Variants in FBXO4 observed in about 807,000 individuals in gnomAD.
FBXO4 encodes the protein F-box only protein 4.
A neutral mutation model predicts 43.7 loss-of-function variants in FBXO4; 36 were observed. That is an observed-to-expected ratio of 0.82 (90% confidence interval 0.63 to 1.09). FBXO4 has a LOEUF of 1.09. Among genes scored for constraint, FBXO4 ranks in the 50% least tolerant of loss-of-function variants. The pLI is 0.00. For missense variants in FBXO4, 435 were observed against 474.1 expected (o/e 0.92, Z 0.77); for synonymous variants, 180 against 165.6 (o/e 1.09, Z -0.67).
At chr5:41,999,533 A>ATGTG in the FBXO4 span, among the ~76,000 whole-genome samples, 1 of 102,174 alleles carries the variant, frequency 9.8e-6, no homozygotes, top group Non-Finnish European at 1.8e-5. Context: ...ACATATATAT[A>ATGTG]TACATATATA....
the FBXO4 span, among the ~76,000 whole-genome samples, chr5:42,020,724 C>T: frequency 4.6e-5 from 7 of 152,282 alleles, no homozygotes; most frequent in East Asian, 1.4e-3. Flanking sequence ...CCAACTTCAA[C>T]TTATGTCTCA....
chr5:41,990,019 T>C, the FBXO4 span, among the ~76,000 whole-genome samples: 1 of 152,184 alleles, frequency 6.6e-6, no homozygotes, highest in East Asian at 1.9e-4. Context: ...AAGTAGGATT[T>C]AGACCTGGGG....
chr5:41,973,025 G>A, the FBXO4 span, among the ~76,000 whole-genome samples: 1 of 152,168 alleles, frequency 6.6e-6, no homozygotes, highest in African/African-American at 2.4e-5. Context: ...AAGATTTCAT[G>A]ATGAAGACTC....
rs762924195 is a variant in FBXO4, at chr5:41,929,893, G to A, written c.622G>A (p.Gly208Ser). The change falls in exon 3 of 7, where the codon GGT (glycine) becomes AGT (serine). Residue 208 changes from glycine to serine, a missense_variant. Coordinates refer to ENST00000281623, the MANE Select transcript of FBXO4 (RefSeq NM_012176.3). ...MSSEELCPTAGLPQRQIDGIG... is the reference protein window; with the variant it reads ...MSSEELCPTASLPQRQIDGIG... ...TTCAGAGGAACTTTGCCCAACAGCT[G>A]GTTTGCCTCAGAGGCAGATTGATGG... The A allele has an allele frequency of 8.1e-6, 13 of 1,612,820 alleles. No individual in the cohort carries two copies. In the East Asian group the frequency reaches 2.9e-4, roughly 36 times the overall value.
At chr5:42,037,534 C>G in the FBXO4 span, among the ~76,000 whole-genome samples, 1 of 151,898 alleles carries the variant, frequency 6.6e-6, no homozygotes. Flanking sequence ...GTTCTCTGAC[C>G]CACGTCCTCA....
At chr5:41,999,474 TATACAC>T in the FBXO4 span, among the ~76,000 whole-genome samples, 251 of 27,748 alleles carry the variant, frequency 9.0e-3, 2 homozygotes, top group African/African-American at 0.02. Flanking sequence ...TGTATATATA[TATACAC>T]ATATATATAT....
chr5:42,003,571 C>T, the FBXO4 span, among the ~76,000 whole-genome samples: 1 of 152,096 alleles, frequency 6.6e-6, no homozygotes, highest in South Asian at 2.1e-4. Flanking sequence ...GCACAACGTG[C>T]AGGTATGTTA....
At chr5:42,004,466 T>C in the FBXO4 span, among the ~76,000 whole-genome samples, 1 of 152,178 alleles carries the variant, frequency 6.6e-6, no homozygotes, top group East Asian at 1.9e-4. Flanking sequence ...CCTAAAATAA[T>C]GTATGTAATA....
At chr5:41,946,578 T>G (rs1490329767), downstream of FBXO4, among the ~76,000 whole-genome samples, 3 of 152,198 alleles carry the variant, frequency 2.0e-5, no homozygotes, top group Admixed American at 2.0e-4. Context: ...CCTAGTCAAT[T>G]AGAAACAAGT....
At chr5:42,014,987 G>A in the FBXO4 span, among the ~76,000 whole-genome samples, 1 of 152,090 alleles carries the variant, frequency 6.6e-6, no homozygotes, top group South Asian at 2.1e-4. Context: ...AAAGCACTGA[G>A]GCAATTCTTG....
the FBXO4 span, among the ~76,000 whole-genome samples, chr5:42,020,481 T>C: frequency 2.0e-5 from 3 of 152,342 alleles, no homozygotes; most frequent in South Asian, 4.1e-4. Flanking sequence ...CTTAGGATTA[T>C]GTTTATCTGT....
the FBXO4 span, among the ~76,000 whole-genome samples, chr5:41,992,241 T>A: frequency 6.6e-6 from 1 of 152,350 alleles, no homozygotes; most frequent in South Asian, 2.1e-4. Context: ...TTAAAACTAA[T>A]AATAGTGTAA....
At chr5:41,950,603 A>G in the FBXO4 span, among the ~76,000 whole-genome samples, 1 of 152,352 alleles carries the variant, frequency 6.6e-6, no homozygotes, top group East Asian at 1.9e-4. Flanking sequence ...GAATGCGTTT[A>G]CACTGTTGGT....
chr5:41,938,801 G>T lies in FBXO4; in HGVS notation c.899-640G>T, dbSNP rs6877398. ...CTTCCTGTTTTCTTGCTAGCTGTCAGCTGGGGGCTGTTATCAGCTTCTAGA... is the reference window on the plus strand; with the variant it reads ...CTTCCTGTTTTCTTGCTAGCTGTCATCTGGGGGCTGTTATCAGCTTCTAGA... On this transcript the variant is annotated intron_variant, in intron 5 of 6. Coordinates refer to ENST00000281623, the MANE Select transcript of FBXO4 (RefSeq NM_012176.3). Among the ~76,000 whole-genome samples the T allele has an allele frequency of 4.8e-3, 732 of 152,270 alleles. 8 individuals are homozygous for T. The highest frequency in any genetic ancestry group is 0.017 in the African/African-American group (709 of 41,554).
the FBXO4 span, among the ~76,000 whole-genome samples, chr5:41,992,657 G>T: frequency 1.3e-5 from 2 of 152,082 alleles, no homozygotes; most frequent in Non-Finnish European, 2.9e-5. Flanking sequence ...TACAATGGCC[G>T]GTTATTTCAT....
chr5:42,028,700 CT>C, the FBXO4 span, among the ~76,000 whole-genome samples: 3 of 150,968 alleles, frequency 2.0e-5, no homozygotes, highest in Admixed American at 6.6e-5. Flanking sequence ...TCCAATGTAT[CT>C]TTTTTGGCTT....
chr5:41,953,356 G>A, the FBXO4 span, among the ~76,000 whole-genome samples: 5 of 151,422 alleles, frequency 3.3e-5, no homozygotes, highest in African/African-American at 7.3e-5. Context: ...ATAGTATTCC[G>A]TGGTGTATAT....
chr5:41,969,868 T>G, the FBXO4 span, among the ~76,000 whole-genome samples: 1 of 152,162 alleles, frequency 6.6e-6, no homozygotes, highest in South Asian at 2.1e-4. Context: ...TGTGTGTGTG[T>G]TGTGAAAAAA....
At chr5:41,992,156 A>C in the FBXO4 span, among the ~76,000 whole-genome samples, 1 of 152,218 alleles carries the variant, frequency 6.6e-6, no homozygotes, top group African/African-American at 2.4e-5. Flanking sequence ...ATAATAAATA[A>C]CACACTGGTT....
Sources: gnomAD v4.1 joint callset for allele counts (sites outside exome capture counted in the v4.1 genomes callset) on GRCh38, gnomAD v4.1.1 for gene constraint, MANE v1.5 for transcripts, NCBI Gene and HGNC (gene_info 2026-07-23, HGNC 2026-07-21) for gene names.